RNF126: variants seen among roughly 807,000 people sequenced by gnomAD.
RNF126 encodes E3 ubiquitin-protein ligase RNF126.
Under a neutral mutation model 41.9 loss-of-function variants are expected in RNF126, and 20 were observed. That is an observed-to-expected ratio of 0.48 (90% CI 0.34 to 0.69). The LOEUF is 0.69. Ranked by LOEUF, RNF126 falls within the 30% of genes least tolerant of loss-of-function variation. The pLI is 0.01. For synonymous variants in RNF126, 239 were observed against 202.9 expected, an observed-to-expected ratio of 1.18 and a Z score of -1.51; for missense variants, 433 against 460.6, an observed-to-expected ratio of 0.94 and a Z score of 0.55.
At chr19:649,432 C>A in intron 6 of RNF126, 2 of 540,664 alleles carry the variant, frequency 3.7e-6, no homozygotes, top group South Asian at 2.3e-5. Flanking sequence ...TGACTGTGGG[C>A]GAGTCCTCCC....
Position 648,465 on chromosome 19 carries a change from C to T in RNF126, c.693G>A (p.Val231=), listed in dbSNP as rs1252817606. The T allele has an allele frequency of 1.3e-6, 2 of 1,585,280 alleles. No individual in the cohort carries two copies. The highest frequency in any genetic ancestry group is 1.7e-6 in the Non-Finnish European group (2 of 1,169,306). The change falls in exon 8 of 9, where the codon GTG becomes GTA. Residue 231 remains valine, a synonymous_variant. Transcript: ENST00000292363. ...CACCCAGCGCGTAGTCGTCCTTGCA[C>T]ACAGGGCACTCGAGCCCGGAGCCTG... The part of the protein sequence containing the change: ...EHVGSGLECP[V]CKDDYALGER...
chr19:651,336 G>C (rs1043119248), intron 4 of RNF126: 7 of 323,080 alleles, frequency 2.2e-5, no homozygotes, highest in Admixed American at 1.0e-4. Flanking sequence ...AGCGTTTGAC[G>C]ACACGCGTGT....
At chr19:657,922 G>A (rs1396263612) in intron 1 of RNF126, among the ~76,000 whole-genome samples, 8 of 152,226 alleles carry the variant, frequency 5.3e-5, no homozygotes, top group African/African-American at 1.7e-4. Context: ...CCAAGAGACC[G>A]CTTGGTCTCG....
At chr19:651,186 AAT>A (rs2030261404) in intron 4 of RNF126, among the ~76,000 whole-genome samples, 1 of 150,422 alleles carries the variant, frequency 6.6e-6, no homozygotes, top group African/African-American at 2.5e-5. Flanking sequence ...TTCCACCAGG[AAT>A]GGGGCCCTGC....
At position 659,239 on chromosome 19, in the gene RNF126, C is replaced by T. The variant is rs927937464; in HGVS notation, c.75+3808G>A. Among the ~76,000 whole-genome samples, 2 of 152,104 alleles carry T rather than the reference C, an allele frequency of 1.3e-5. No individual in the cohort carries two copies. Among genetic ancestry groups the T allele is most frequent in the Admixed American group, 6.6e-5 (1 of 15,266 alleles). ...CTTCTGAAGACTCGGGCCAGGCCGC[C>T]GCAGGGACCAGGAGAAGACAGGGTG... On this transcript the variant is annotated intron_variant, in intron 1 of 8. Transcript: ENST00000292363. This position sits in a 1 kb window ranked among gnomAD's most constrained non-coding sequence, Gnocchi z 4.9.
In RNF126 at chr19:647,786, C is replaced by T; in HGVS notation, c.*342G>A. 1 of 385,566 alleles carries T rather than the reference C, an allele frequency of 2.6e-6. No individual in the cohort carries two copies. The highest frequency in any genetic ancestry group is 7.6e-5 in the East Asian group (1 of 13,206). The allele number at this position is 385,566 out of a possible 1,614,324, so 23.9% of individuals were successfully genotyped here. A position where few individuals can be genotyped will look rare whatever the true frequency, so the allele number is the denominator to read the frequency against. On this transcript the variant is annotated 3_prime_UTR_variant, in exon 9 of 9. Coordinates refer to ENST00000292363, the MANE Select transcript of RNF126 (RefSeq NM_194460.3). ...GGAGCCGCTGGGCCCCGTCTTCCGC[C>T]ACAAACCATGCATGGCCGCCACGTG... is the stretch of plus-strand genomic sequence containing the variant.
At chr19:652,148 G>C (rs970998308) in intron 3 of RNF126, 85 bp downstream of exon 3, 3 of 1,153,008 alleles carry the variant, frequency 2.6e-6, no homozygotes, top group Admixed American at 3.3e-5. Flanking sequence ...AGGGAGAGCC[G>C]GGGAGGCGAG....
rs905642324 is a variant in RNF126, at chr19:647,744, C to T, written c.*384G>A. Reference sequence around the variant, plus strand: ...CAGCACTGGGGGAGCCGCTGAACCCCGTGCTTCAGCGCTGGGGGAGCCGCT... The same window carrying T: ...CAGCACTGGGGGAGCCGCTGAACCCTGTGCTTCAGCGCTGGGGGAGCCGCT... On this transcript the variant is annotated 3_prime_UTR_variant, in exon 9 of 9. Coordinates refer to ENST00000292363, the MANE Select transcript of RNF126 (RefSeq NM_194460.3). 4.6e-5 allele frequency: 14 copies of T among 306,332 alleles called. No homozygotes were observed. The highest frequency in any genetic ancestry group is 1.8e-4 in the South Asian group (7 of 38,946). 19.0% of individuals were successfully genotyped at this position (306,332 alleles called of 1,614,324 possible).
Position 647,849 on chromosome 19 carries a change from T to TA in RNF126, c.*278dup. ...CGTTTATTTCAAAGCAGTAATAATT[T>TA]AAAATTATAAAAATCTTTCCACCGC... On this transcript the variant is annotated 3_prime_UTR_variant, in exon 9 of 9. Coordinates refer to ENST00000292363, the MANE Select transcript of RNF126 (RefSeq NM_194460.3). The TA allele has an allele frequency of 1.7e-6, 1 of 591,756 alleles. No individual in the cohort carries two copies. Among genetic ancestry groups the TA allele is most frequent in the Non-Finnish European group, 3.1e-6 (1 of 326,010 alleles). The allele number at this position is 591,756 out of a possible 1,614,324, so 36.7% of individuals were successfully genotyped here. A position where few individuals can be genotyped will look rare whatever the true frequency, so the allele number is the denominator to read the frequency against.
chr19:652,800 G>C (rs2030382888), intron 2 of RNF126, 26 bp downstream of exon 2: 1 of 1,610,044 alleles, frequency 6.2e-7, no homozygotes, highest in Non-Finnish European at 8.5e-7. Flanking sequence ...GGCTCTTCCA[G>C]CCTCTTCAAC....
chr19:651,146 A>ATG (rs2144759201), intron 4 of RNF126, among the ~76,000 whole-genome samples: 2 of 134,306 alleles, frequency 1.5e-5, no homozygotes, highest in South Asian at 5.0e-4. Flanking sequence ...CACCAGGAGC[A>ATG]GGGCCCAGCG....
chr19:652,726 G>A (rs895887821), intron 2 of RNF126, 100 bp downstream of exon 2: 3 of 1,079,096 alleles, frequency 2.8e-6, no homozygotes, highest in African/African-American at 3.1e-5. Context: ...GGGCCTGACG[G>A]CCCCACACTC....
At chr19:661,733 T>G (rs1298877486) in intron 1 of RNF126, among the ~76,000 whole-genome samples, 1 of 152,192 alleles carries the variant, frequency 6.6e-6, no homozygotes, top group East Asian at 1.9e-4. Flanking sequence ...TCTGGGGGGC[T>G]TGGACTTCTC....
chr19:660,236 C>T (rs1031116067), intron 1 of RNF126, among the ~76,000 whole-genome samples: 1 of 152,270 alleles, frequency 6.6e-6, no homozygotes, highest in African/African-American at 2.4e-5. Flanking sequence ...GAGCGAATCG[C>T]ATCACTAAAC....
At chr19:656,625 G>A (rs546071839) in intron 1 of RNF126, among the ~76,000 whole-genome samples, 1 of 152,132 alleles carries the variant, frequency 6.6e-6, no homozygotes, top group African/African-American at 2.4e-5. Context: ...TCCAGCCTGG[G>A]CCACAGAGTG....
chr19:661,728 G>A (rs574827867), intron 1 of RNF126, among the ~76,000 whole-genome samples: 1 of 152,172 alleles, frequency 6.6e-6, no homozygotes, highest in Admixed American at 6.5e-5. Flanking sequence ...CTGCTTCTGG[G>A]GGGCTTGGAC....
Position 648,360 on chromosome 19 carries a change from C to CCGGGGGGGGGGGGGGGGGGGGGGGGGGG in RNF126, c.786+11_786+12insCCCCCCCCCCCCCCCCCCCCCCCCCCCG. On this transcript the variant is annotated intron_variant, in intron 8 of 8. Coordinates refer to ENST00000292363, the MANE Select transcript of RNF126 (RefSeq NM_194460.3). ...CGGTCGGGGTGGGGGGGCGGGTGGG[C>CCGGGGGGGGGGGGGGGGGGGGGGGGGGG]GGGGCACTCACCTGCTCCAGCCAGG... 1 of 302,284 alleles carries CCGGGGGGGGGGGGGGGGGGGGGGGGGGG rather than the reference C, an allele frequency of 3.3e-6. No individual in the cohort carries two copies. Among genetic ancestry groups the CCGGGGGGGGGGGGGGGGGGGGGGGGGGG allele is most frequent in the Non-Finnish European group, 4.9e-6 (1 of 205,052 alleles). 18.7% of individuals were successfully genotyped at this position (302,284 alleles called of 1,614,324 possible).
chr19:663,102 T>G lies in RNF126; in HGVS notation c.20A>C (p.His7Pro). MAEASP[H>P]PGRYFCHCCS... The stretch of plus-strand genomic sequence containing the variant: ...GCAGTGGCAGAAGTACCGTCCGGGA[T>G]GCGGCGACGCCTCGGCCATGGCCGC... Residue 7 changes from histidine (H) to proline (P), a missense_variant, in exon 1 of 9, where the codon CAT becomes CCT. Physicochemically the swap from His to Pro is moderately conservative, Grantham distance 77. Transcript: ENST00000292363. 7.5e-7 allele frequency: 1 copy of G among 1,341,242 alleles called. No individual in the cohort carries two copies. Among genetic ancestry groups the G allele is most frequent in the Non-Finnish European group, 9.6e-7 (1 of 1,039,590 alleles). The allele number at this position is 1,341,242 out of a possible 1,614,324, so 83.1% of individuals were successfully genotyped here.
In RNF126 at chr19:652,813, G is replaced by A. The variant is rs937362674; in HGVS notation, c.134+13C>T. 4.3e-6 allele frequency: 7 copies of A among 1,612,198 alleles called. No homozygotes were observed. In the Admixed American group the frequency reaches 6.7e-5, roughly 15 times the overall value. On this transcript the variant is annotated intron_variant, in intron 2 of 8. Coordinates refer to ENST00000292363, the MANE Select transcript of RNF126 (RefSeq NM_194460.3). ...CTGGCTCTTCCAGCCTCTTCAACAG[G>A]GGGCTGCATTACCTGGTCTCTTCCG...
Sources: allele counts gnomAD v4.1 joint callset (sites outside exome capture counted in the v4.1 genomes callset), GRCh38; gene constraint gnomAD v4.1.1; non-coding constraint Gnocchi (gnomAD v3.1); transcripts MANE v1.5; gene names NCBI Gene and HGNC (gene_info 2026-07-23, HGNC 2026-07-21).